The following WDR44 variants were observed in gnomAD, a reference collection of about 807,000 sequenced individuals.
WDR44 encodes WD repeat-containing protein 44.
In WDR44, 9 loss-of-function variants were observed where a neutral mutation model predicts 65.7. That is an observed-to-expected ratio of 0.14 (90% confidence interval 0.08 to 0.24). The LOEUF is 0.24. Ranked by LOEUF, WDR44 falls within the 10% of genes least tolerant of loss-of-function variation. The pLI is 1.00. For missense variants in WDR44, 425 were observed against 670.9 expected (o/e 0.63, Z 4.05); for synonymous variants, 220 against 235.2 (o/e 0.94, Z 0.59).
At chrX:118,442,181 A>T in intron 15 of WDR44, 63 bp from the exon 16 acceptor site, 1 of 1,001,794 alleles carries the variant, frequency 1.0e-6, no homozygotes, top group East Asian at 3.1e-5. Flanking sequence ...AGCTAGAGTT[A>T]CAGATACGAG....
intron 1 of WDR44, among the ~76,000 whole-genome samples, chrX:118,354,898 C>G (rs1170698898): frequency 1.8e-5 from 2 of 112,030 alleles, no homozygotes; most frequent in Non-Finnish European, 3.8e-5. Flanking sequence ...TGCAAACTCA[C>G]TGTCCCAGGA....
rs1031051388 is a variant in WDR44 at position 118,348,437 on chromosome X, G to GT, written c.77+1864dup. ...TGATATTAGGTGAAAACTGAAAAAG[G>GT]TTTTTTTGGAACTCAGCTTTCTAAT... On this transcript the variant is annotated intron_variant, in intron 1 of 19. Transcript: ENST00000254029. Among the ~76,000 whole-genome samples, 3 of 111,885 alleles carry GT rather than the reference G, an allele frequency of 2.7e-5. No individual in the cohort carries two copies. The Admixed American group carries it at 2.8e-4, about 11-fold the overall frequency.
intron 1 of WDR44, among the ~76,000 whole-genome samples, chrX:118,370,818 G>A (rs1298896736): frequency 5.5e-5 from 6 of 109,607 alleles, no homozygotes; most frequent in South Asian, 3.9e-4. Flanking sequence ...TCCTGACCTC[G>A]TGATCCACCC....
rs750515541 is a variant in WDR44, at chrX:118,404,022, C to T, written c.1275-316C>T. The stretch of plus-strand genomic sequence containing the variant: ...TAAATTGGATTATCTGGGGATGGAG[C>T]TGAAGTACCTACACTTTAAACACTC... On this transcript the variant is annotated intron_variant, in intron 8 of 19. Coordinates refer to ENST00000254029, the MANE Select transcript of WDR44 (RefSeq NM_019045.5). Among the ~76,000 whole-genome samples the T allele has an allele frequency of 5.4e-5, 6 of 112,030 alleles. No homozygotes were observed. In the Admixed American group the frequency reaches 5.7e-4, roughly 11 times the overall value.
chrX:118,384,603 G>A (rs2056749582), intron 2 of WDR44, among the ~76,000 whole-genome samples: 1 of 111,650 alleles, frequency 9.0e-6, no homozygotes, highest in Admixed American at 9.5e-5. Context: ...TTTGAAGTCG[G>A]GTAGCATGAT....
At chrX:118,357,688 G>A (rs887112570) in intron 1 of WDR44, among the ~76,000 whole-genome samples, 15 of 109,944 alleles carry the variant, frequency 1.4e-4, no homozygotes, top group African/African-American at 5.0e-4. Flanking sequence ...TTGAGACCAC[G>A]CTGGCCAACA....
rs922540006 is a variant in WDR44 at position 118,385,076 on chromosome X, A to G, written c.112-2264A>G. ...CTTAAGAATCTTTTGGGCTGAGACT[A>G]TGGGTTATCTAGATATAAGATCATG... On this transcript the variant is annotated intron_variant, in intron 2 of 19. Coordinates refer to ENST00000254029, the MANE Select transcript of WDR44 (RefSeq NM_019045.5). Among the ~76,000 whole-genome samples the G allele has an allele frequency of 6.2e-5, 7 of 112,018 alleles. No individual in the cohort carries two copies. The East Asian group carries it at 8.4e-4, about 13-fold the overall frequency.
At chrX:118,358,357 C>T (rs377224866) in intron 1 of WDR44, among the ~76,000 whole-genome samples, 20 of 111,591 alleles carry the variant, frequency 1.8e-4, no homozygotes, top group African/African-American at 6.5e-4. Flanking sequence ...CTCTTAAAAA[C>T]TTCAGAATTC....
At chrX:118,377,723 CTTT>C (rs1189608732) in intron 1 of WDR44, among the ~76,000 whole-genome samples, 3 of 78,753 alleles carry the variant, frequency 3.8e-5, no homozygotes. Flanking sequence ...TCTTCTCTCT[CTTT>C]TTTTTTTTTT....
Position 118,407,944 on chromosome X carries a change from T to C in WDR44, c.1533+918T>C, listed in dbSNP as rs887617630. On this transcript the variant is annotated intron_variant, in intron 10 of 19. Transcript: ENST00000254029. Reference sequence around the variant, plus strand: ...AACTAGAATGAAGCAACCATAAATATATTGGATGGCAACCAAATTCAAATT... The same window carrying C: ...AACTAGAATGAAGCAACCATAAATACATTGGATGGCAACCAAATTCAAATT... Among the ~76,000 whole-genome samples the C allele has an allele frequency of 5.5e-5, 6 of 109,705 alleles. No individual in the cohort carries two copies. The Admixed American group carries it at 6.0e-4, about 11-fold the overall frequency.
rs1350027404 is a variant in WDR44 at position 118,346,475 on chromosome X, G to A, written c.-29G>A. 8.4e-7 allele frequency: 1 copy of A among 1,195,308 alleles called. No individual in the cohort carries two copies. The highest frequency in any genetic ancestry group is 1.1e-6 in the Non-Finnish European group (1 of 881,768). On this transcript the variant is annotated 5_prime_UTR_variant, in exon 1 of 20. Coordinates refer to ENST00000254029, the MANE Select transcript of WDR44 (RefSeq NM_019045.5). The stretch of plus-strand genomic sequence containing the variant: ...GTCACCCTTCCTCCAGGCGGCGCCG[G>A]CCCCCTCACCCGCGGGTGTGTCCTA...
intron 1 of WDR44, among the ~76,000 whole-genome samples, chrX:118,359,418 T>C (rs2056493102): frequency 8.9e-6 from 1 of 112,292 alleles, no homozygotes; most frequent in South Asian, 3.6e-4. Context: ...AATCCTTGAG[T>C]AGGCCCAGGA....
chrX:118,356,908 A>G (rs2056465315), intron 1 of WDR44, among the ~76,000 whole-genome samples: 1 of 104,745 alleles, frequency 9.5e-6, no homozygotes, highest in Non-Finnish European at 2.0e-5. Flanking sequence ...CAGTGGCACA[A>G]TCTCGGCTTA....
At position 118,432,791 on chromosome X, in the gene WDR44, G is replaced by A. The variant is rs1302133350; in HGVS notation, c.1748G>A (p.Gly583Glu). Reference sequence around the variant, plus strand: ...TTTATATCCAAATAGGTATGCAGTGGAACTGATGAAGACCCTGATGATAAA... The same window carrying A: ...TTTATATCCAAATAGGTATGCAGTGAAACTGATGAAGACCCTGATGATAAA... ...KSDTDTGVCS[G>E]TDEDPDDKNA... is the part of the protein sequence containing the mutation. Residue 583 changes from glycine to glutamate, a missense_variant, in exon 13 of 20, where the codon GGA (glycine) becomes GAA (glutamate). By Grantham distance (98) the Gly-to-Glu change is moderately conservative. This residue lies in a region of WDR44 where 45 missense variants were observed against 50.0 expected (regional missense o/e 0.90). Transcript: ENST00000254029. 3 of 1,209,204 alleles carry A rather than the reference G, an allele frequency of 2.5e-6. No individual in the cohort carries two copies. The African/African-American group carries it at 5.2e-5, about 21-fold the overall frequency.
chrX:118,443,325 C>T (rs1287847539), intron 17 of WDR44, among the ~76,000 whole-genome samples: 4 of 111,475 alleles, frequency 3.6e-5, no homozygotes, highest in East Asian at 2.8e-4. Context: ...TTCCTCCCAA[C>T]GTGGATTAAC....
intron 19 of WDR44, chrX:118,445,188 G>A (rs1383748188): frequency 3.7e-5 from 8 of 219,013 alleles, no homozygotes; most frequent in African/African-American, 1.2e-4. Flanking sequence ...CTAGCTACTC[G>A]GGATGCTGAG....
intron 1 of WDR44, among the ~76,000 whole-genome samples, chrX:118,362,628 G>A (rs1295497875): frequency 9.1e-6 from 1 of 110,492 alleles, no homozygotes; most frequent in Non-Finnish European, 1.9e-5. Flanking sequence ...TGACTAAATA[G>A]ACACGTGCAA....
chrX:118,447,875 A>AATATATATATATATATATATATATAT (rs10570740), intron 19 of WDR44, among the ~76,000 whole-genome samples: 8 of 54,789 alleles, frequency 1.5e-4, no homozygotes, highest in African/African-American at 3.9e-4. Context: ...CTCTATCTAA[A>AATATATATATATATATATATATATAT]ATATATATAT....
rs750320467 is a variant in WDR44 at position 118,357,282 on chromosome X, ATAAT to A, written c.77+10706_77+10709del. Among the ~76,000 whole-genome samples the A allele has an allele frequency of 4.4e-3, 497 of 112,310 alleles. 1 individual carries two copies. Among genetic ancestry groups the A allele is most frequent in the African/African-American group, 0.015 (468 of 30,918 alleles). On this transcript the variant is annotated intron_variant, in intron 1 of 19. Coordinates refer to ENST00000254029, the MANE Select transcript of WDR44 (RefSeq NM_019045.5). ...TTCATGATATTGTAGGAAAACATGAATAATTAAAAGCTGTCAGTTACACAACAAT... is the reference window on the plus strand; with the variant it reads ...TTCATGATATTGTAGGAAAACATGAATAAAAGCTGTCAGTTACACAACAAT...
Sources: gnomAD v4.1 joint callset for allele counts (sites outside exome capture counted in the v4.1 genomes callset) on GRCh38, gnomAD v4.1.1 for gene constraint, gnomAD v4.1.1 regional missense constraint, MANE v1.5 for transcripts, NCBI Gene and HGNC (gene_info 2026-07-23, HGNC 2026-07-21) for gene names.